Variants in ABCA1 observed in about 807,000 individuals in gnomAD.
The protein encoded by ABCA1 is ATP binding cassette subfamily A member 1.
ABCA1 carries 133 observed loss-of-function variants against 262.5 expected under a neutral mutation model. The observed-to-expected ratio is 0.51, with a 90% CI of 0.44 to 0.59. The LOEUF is 0.59. Among genes scored for constraint, ABCA1 ranks in the 20% least tolerant of loss-of-function variants. The pLI, the probability that ABCA1 is intolerant of heterozygous loss-of-function variation, is 0.00. For missense variants in ABCA1, 2,452 were observed against 2,777.5 expected (o/e 0.88, Z 2.63); for synonymous variants, 1,022 against 1,043.5 (o/e 0.98, Z 0.40).
chr9:104,828,631 C>T (rs937808639), intron 15 of ABCA1, among the ~76,000 whole-genome samples: 1 of 152,192 alleles, frequency 6.6e-6, no homozygotes, highest in Non-Finnish European at 1.5e-5. Flanking sequence ...TGAACCACTA[C>T]CAATGAGACA....
At chr9:104,807,818 A>T (rs150763760) in intron 30 of ABCA1, among the ~76,000 whole-genome samples, 2,404 of 137,526 alleles carry the variant, frequency 0.017, 56 homozygotes, top group African/African-American at 0.052. Context: ...ATCTCAAAAA[A>T]AAATAAATAA....
At chr9:104,906,073 A>C (rs533857339) in intron 1 of ABCA1, among the ~76,000 whole-genome samples, 1 of 152,368 alleles carries the variant, frequency 6.6e-6, no homozygotes, top group South Asian at 2.1e-4. Flanking sequence ...TTAAGTGCCA[A>C]AGCAATGTGA....
At chr9:104,891,428 T>C (rs904767111) in intron 2 of ABCA1, among the ~76,000 whole-genome samples, 34 of 150,304 alleles carry the variant, frequency 2.3e-4, no homozygotes, top group Non-Finnish European at 4.1e-4. Context: ...AAACGCTGTG[T>C]CTACTAAAAA....
chr9:104,793,526 T>C (rs1453135652), intron 40 of ABCA1, among the ~76,000 whole-genome samples: 1 of 152,126 alleles, frequency 6.6e-6, no homozygotes, highest in Admixed American at 6.6e-5. Flanking sequence ...AGAGCCAATG[T>C]GTATTCGATT....
intron 2 of ABCA1, among the ~76,000 whole-genome samples, chr9:104,901,715 T>C (rs547314920): frequency 9.9e-5 from 15 of 152,244 alleles, no homozygotes; most frequent in South Asian, 6.2e-4. Flanking sequence ...ATTAGGCACA[T>C]TGAGTTAGAG....
intron 2 of ABCA1, among the ~76,000 whole-genome samples, chr9:104,896,709 A>ATTTTTTTTT (rs1564270342): frequency 1.0e-4 from 8 of 78,272 alleles, no homozygotes; most frequent in African/African-American, 3.8e-4. Context: ...CTCCCTACAC[A>ATTTTTTTTT]TCTTTTTTTT....
At chr9:104,815,825 CTG>C (rs1455718783) in intron 25 of ABCA1, among the ~76,000 whole-genome samples, 1 of 152,188 alleles carries the variant, frequency 6.6e-6, no homozygotes. Context: ...GTTCCTCACA[CTG>C]TACTTAAGTA....
chr9:104,840,668 A>C, intron 8 of ABCA1, 149 bp from the exon 9 acceptor site: 87 of 883,090 alleles, frequency 9.9e-5, no homozygotes, highest in Non-Finnish European at 1.1e-4. Context: ...ATGTCATCTC[A>C]AAGCCTTGGG....
At chr9:104,865,917 A>G (rs1032892384) in intron 5 of ABCA1, among the ~76,000 whole-genome samples, 3 of 152,196 alleles carry the variant, frequency 2.0e-5, no homozygotes, top group African/African-American at 7.2e-5. Context: ...GGAGATAAAG[A>G]GGCAAATCAA....
intron 15 of ABCA1, 58 bp downstream of exon 15, chr9:104,828,858 C>A: frequency 1.3e-6 from 2 of 1,555,718 alleles, no homozygotes; most frequent in Non-Finnish European, 1.8e-6. Flanking sequence ...CCTCCCTTAG[C>A]CCGTGTTGAG....
rs1217799085 is a variant in ABCA1, at chr9:104,825,827, G to A, written c.2398C>T (p.Gln800Ter). 1 of 1,614,070 alleles carries A rather than the reference G, an allele frequency of 6.2e-7. No individual in the cohort carries two copies. Among genetic ancestry groups the A allele is most frequent in the Non-Finnish European group, 8.5e-7 (1 of 1,180,050 alleles). ...GCEYFALFEE[Q>*]GIGVQWDNLF... ...TTGTCCCACTGCACTCCAATGCCCT[G>A]CTCCTCAAAAAGGGCAAAGTACTCA... The change falls in exon 17 of 50, where the codon CAG becomes TAG. Residue 800 changes from glutamine to a stop codon, truncating the protein, a stop_gained. Transcript: ENST00000374736. LOFTEE classifies it high-confidence loss of function.
intron 27 of ABCA1, among the ~76,000 whole-genome samples, chr9:104,813,311 A>C (rs1831443366): frequency 6.6e-6 from 1 of 152,208 alleles, no homozygotes; most frequent in South Asian, 2.1e-4. Context: ...ATGATACCTA[A>C]CTGATGTGCT....
chr9:104,917,739 G>A (rs948371654), intron 1 of ABCA1, among the ~76,000 whole-genome samples: 1 of 151,712 alleles, frequency 6.6e-6, no homozygotes, highest in Non-Finnish European at 1.5e-5. Flanking sequence ...GGGCAACAGA[G>A]CAAGACTCGT....
chr9:104,822,820 T>C (rs1832484308), intron 18 of ABCA1, among the ~76,000 whole-genome samples, 153 bp from the exon 19 acceptor site: 1 of 152,154 alleles, frequency 6.6e-6, no homozygotes, highest in Non-Finnish European at 1.5e-5. Context: ...AATGTTTATT[T>C]AGGGCCTATT....
intron 5 of ABCA1, among the ~76,000 whole-genome samples, chr9:104,882,549 C>T (rs3858075): frequency 0.2 from 30,526 of 152,202 alleles, 3,159 homozygotes; most frequent in South Asian, 0.31. Flanking sequence ...TTTTTAAAGA[C>T]AACAAGTTCA....
chr9:104,828,582 A>G (rs1674945197), intron 15 of ABCA1, among the ~76,000 whole-genome samples: 1 of 152,212 alleles, frequency 6.6e-6, no homozygotes, highest in African/African-American at 2.4e-5. Flanking sequence ...ATCGCCACCC[A>G]ATATATCTAA....
intron 34 of ABCA1, among the ~76,000 whole-genome samples, chr9:104,801,504 G>A (rs1462197314): frequency 6.6e-6 from 1 of 151,902 alleles, no homozygotes; most frequent in Non-Finnish European, 1.5e-5. Context: ...ACAGGTGTAA[G>A]CCACCGCGCC....
At chr9:104,797,838 G>A (rs574569844) in intron 37 of ABCA1, among the ~76,000 whole-genome samples, 2 of 152,338 alleles carry the variant, frequency 1.3e-5, no homozygotes, top group Admixed American at 6.5e-5. Flanking sequence ...TTTGCTCTGT[G>A]TAGCTTATAA....
chr9:104,789,638 C>T (rs1049595703), intron 44 of ABCA1, among the ~76,000 whole-genome samples: 5 of 152,152 alleles, frequency 3.3e-5, no homozygotes, highest in Non-Finnish European at 7.3e-5. Flanking sequence ...GCAGAGTGCA[C>T]TACAATTAGT....
Sources: gnomAD v4.1 joint callset for allele counts (sites outside exome capture counted in the v4.1 genomes callset) on GRCh38, gnomAD v4.1.1 for gene constraint, MANE v1.5 for transcripts, NCBI Gene and HGNC (gene_info 2026-07-23, HGNC 2026-07-21) for gene names.